The following SLC31A1 variants were observed in gnomAD, a reference collection of about 807,000 sequenced individuals.
SLC31A1 encodes the protein solute carrier family 31 member 1.
Under a neutral mutation model 17.2 loss-of-function variants are expected in SLC31A1, and 5 were observed. The observed-to-expected ratio is 0.29, with a 90% CI of 0.15 to 0.61. The LOEUF (loss-of-function observed/expected upper bound fraction) is 0.61, where lower values mean the gene tolerates loss of function less well. Among genes scored for constraint, SLC31A1 ranks in the 20% least tolerant of loss-of-function variants. The pLI, the probability that SLC31A1 is intolerant of heterozygous loss-of-function variation, is 0.86. For synonymous variants in SLC31A1, 76 were observed against 78.8 expected (o/e 0.96, Z 0.19); for missense variants, 161 against 241.4 (o/e 0.67, Z 2.21).
chr9:113,261,043 C>T lies in SLC31A1; in HGVS notation c.*570C>T. The T allele has an allele frequency of 5.6e-6, 1 of 178,220 alleles. No homozygotes were observed. The highest frequency in any genetic ancestry group is 1.2e-5 in the Non-Finnish European group (1 of 82,706). 11.0% of individuals were successfully genotyped at this position (178,220 alleles called of 1,614,324 possible). On this transcript the variant is annotated 3_prime_UTR_variant, in exon 5 of 5. Coordinates refer to ENST00000374212, the MANE Select transcript of SLC31A1 (RefSeq NM_001859.4). ...TGGGGGGCCAAGGCAGGCTGGATCACCTGAGGACAGGAGTTCGAGACCAGT... is the reference window on the plus strand; with the variant it reads ...TGGGGGGCCAAGGCAGGCTGGATCATCTGAGGACAGGAGTTCGAGACCAGT...
intron 1 of SLC31A1, among the ~76,000 whole-genome samples, chr9:113,232,171 A>G (rs1186371686): frequency 6.6e-6 from 1 of 152,214 alleles, no homozygotes; most frequent in Non-Finnish European, 1.5e-5. Flanking sequence ...CACAGAATAC[A>G]TGGTTCTATG....
chr9:113,231,397 C>T (rs907876117), intron 1 of SLC31A1, among the ~76,000 whole-genome samples: 2 of 152,068 alleles, frequency 1.3e-5, no homozygotes, highest in Admixed American at 6.6e-5. Flanking sequence ...GACCCCTTCT[C>T]TACAAAAAGT....
chr9:113,228,150 AT>A (rs1431930614), intron 1 of SLC31A1, among the ~76,000 whole-genome samples: 1 of 152,212 alleles, frequency 6.6e-6, no homozygotes, highest in African/African-American at 2.4e-5. Flanking sequence ...TATATGGCAA[AT>A]GTGGGTCCAG....
chr9:113,261,406 A>G lies in SLC31A1; in HGVS notation c.*933A>G, dbSNP rs2118523538. 6.5e-6 allele frequency: 1 copy of G among 152,818 alleles called. No individual in the cohort carries two copies. Among genetic ancestry groups the G allele is most frequent in the African/African-American group, 2.4e-5 (1 of 41,600 alleles). 9.5% of individuals were successfully genotyped at this position (152,818 alleles called of 1,614,324 possible). Reference sequence around the variant, plus strand: ...GACTAAATACAGGCTTAGAACTTGCAGAGTGTGTATTCTTGGATGGCTGAT... The same window carrying G: ...GACTAAATACAGGCTTAGAACTTGCGGAGTGTGTATTCTTGGATGGCTGAT... On this transcript the variant is annotated 3_prime_UTR_variant, in exon 5 of 5. Transcript: ENST00000374212.
intron 1 of SLC31A1, among the ~76,000 whole-genome samples, chr9:113,224,280 A>G (rs956535778): frequency 1.3e-5 from 2 of 152,212 alleles, no homozygotes; most frequent in Admixed American, 6.5e-5. Flanking sequence ...TACGTTATCT[A>G]TGGTATTTTT....
chr9:113,233,606 C>A (rs1316126890), intron 1 of SLC31A1, among the ~76,000 whole-genome samples: 1 of 152,194 alleles, frequency 6.6e-6, no homozygotes, highest in Admixed American at 6.5e-5. Context: ...GAAAACCTCT[C>A]TCAAATCCCA....
chr9:113,255,642 C>T (rs1290970175), intron 1 of SLC31A1, among the ~76,000 whole-genome samples: 1 of 152,032 alleles, frequency 6.6e-6, no homozygotes, highest in Non-Finnish European at 1.5e-5. Flanking sequence ...GTGAGTTGCA[C>T]TCCAGCCTGG....
In SLC31A1 at chr9:113,264,030, A is replaced by G. The variant is rs1831824184; in HGVS notation, c.*3557A>G. 6.6e-6 allele frequency: 1 copy of G among 152,296 alleles called. No homozygotes were observed. Among genetic ancestry groups the G allele is most frequent in the Admixed American group, 6.6e-5 (1 of 15,264 alleles). The allele number at this position is 152,296 out of a possible 1,614,324, so 9.4% of individuals were successfully genotyped here. A position where few individuals can be genotyped will look rare whatever the true frequency, so the allele number is the denominator to read the frequency against. ...GCTCCTTCAAAAGATACATCAAAAG[A>G]TAGAAACTCTGGGCTGGGCACAGTG... On this transcript the variant is annotated 3_prime_UTR_variant, in exon 5 of 5. Transcript: ENST00000374212.
chr9:113,224,239 C>G (rs886415228), intron 1 of SLC31A1, among the ~76,000 whole-genome samples: 1 of 152,130 alleles, frequency 6.6e-6, no homozygotes, highest in Non-Finnish European at 1.5e-5. Context: ...ACTTTTGGCC[C>G]TTTATAGAAA....
intron 1 of SLC31A1, among the ~76,000 whole-genome samples, chr9:113,245,946 T>C (rs2119003695): frequency 6.6e-6 from 1 of 151,740 alleles, no homozygotes; most frequent in East Asian, 2.0e-4. Flanking sequence ...AAGTTCTGTT[T>C]ATTGCAGTAT....
At chr9:113,234,885 C>T (rs1330022078) in intron 1 of SLC31A1, among the ~76,000 whole-genome samples, 5 of 152,234 alleles carry the variant, frequency 3.3e-5, no homozygotes, top group Admixed American at 6.5e-5. Context: ...AGATTTTTAT[C>T]CCAGTTTTAC....
chr9:113,242,735 T>C (rs1257709703), intron 1 of SLC31A1, among the ~76,000 whole-genome samples: 2 of 152,304 alleles, frequency 1.3e-5, no homozygotes, highest in East Asian at 1.9e-4. Flanking sequence ...GTTGATCTTA[T>C]CTTATAGTTT....
At position 113,260,275 on chromosome 9, in the gene SLC31A1, A is replaced by G. The variant is rs775657432; in HGVS notation, c.375A>G (p.Gln125=). 2 of 1,613,938 alleles carry G rather than the reference A, an allele frequency of 1.2e-6. No individual in the cohort carries two copies. Among genetic ancestry groups the G allele is most frequent in the Admixed American group, 1.7e-5 (1 of 60,002 alleles). The change falls in exon 5 of 5, where the codon CAA becomes CAG. Residue 125 remains glutamine (Q), a synonymous_variant. Transcript: ENST00000374212. ...ILMETHKTVG[Q]QMLSFPHLLQ... is the part of the protein sequence containing the mutation. Reference sequence around the variant, plus strand: ...TGTGTCCCTGTTTACTCTCCAGGCAACAGATGCTGAGCTTTCCTCACCTCC... The same window carrying G: ...TGTGTCCCTGTTTACTCTCCAGGCAGCAGATGCTGAGCTTTCCTCACCTCC...
intron 1 of SLC31A1, among the ~76,000 whole-genome samples, chr9:113,233,965 G>A (rs1221527268): frequency 6.6e-6 from 1 of 151,990 alleles, no homozygotes; most frequent in Non-Finnish European, 1.5e-5. Flanking sequence ...GTGTATTGTT[G>A]TTGACTATAG....
intron 1 of SLC31A1, among the ~76,000 whole-genome samples, chr9:113,253,318 C>T (rs546579873): frequency 6.6e-6 from 1 of 152,204 alleles, no homozygotes; most frequent in Admixed American, 6.5e-5. Flanking sequence ...ACTCAGATGC[C>T]AGTGATCTCT....
At chr9:113,259,751 A>AT (rs1261862392) in intron 4 of SLC31A1, among the ~76,000 whole-genome samples, 3 of 151,132 alleles carry the variant, frequency 2.0e-5, no homozygotes, top group African/African-American at 4.9e-5. Flanking sequence ...CACCCAGCTA[A>AT]TTTTTTTTAT....
At chr9:113,257,038 C>T (rs564360593) in intron 2 of SLC31A1, 75 bp from the exon 3 acceptor site, 1 of 1,191,352 alleles carries the variant, frequency 8.4e-7, no homozygotes, top group African/African-American at 1.5e-5. Context: ...TTTAAATGTT[C>T]TAAGCTTCTT....
chr9:113,239,985 C>T lies in SLC31A1; in HGVS notation c.-35-16129C>T, dbSNP rs77760120. ...TCATACTAACCTTGATCCCTTATTT[C>T]TTCTCTCGACTCAGGAAGGCTCTTA... On this transcript the variant is annotated intron_variant, in intron 1 of 4. Transcript: ENST00000374212. Among the ~76,000 whole-genome samples the T allele has an allele frequency of 6.7e-3, 1,016 of 152,322 alleles. 9 individuals are homozygous for T. Among genetic ancestry groups the T allele is most frequent in the African/African-American group, 0.024 (980 of 41,572 alleles).
chr9:113,253,746 G>T (rs762630749), intron 1 of SLC31A1, among the ~76,000 whole-genome samples: 1 of 151,536 alleles, frequency 6.6e-6, no homozygotes, highest in Non-Finnish European at 1.5e-5. Context: ...TAAAGACGGG[G>T]TTTCACTGTT....
Sources: gnomAD v4.1 joint callset for allele counts (sites outside exome capture counted in the v4.1 genomes callset) on GRCh38, gnomAD v4.1.1 for gene constraint, MANE v1.5 for transcripts, NCBI Gene and HGNC (gene_info 2026-07-23, HGNC 2026-07-21) for gene names.